Variants in IL27RA observed in about 807,000 individuals in gnomAD.
IL27RA encodes the protein interleukin-27 receptor subunit alpha.
Under a neutral mutation model 80.8 loss-of-function variants are expected in IL27RA, and 61 were observed. That is an observed-to-expected ratio of 0.76 (90% CI 0.61 to 0.93). The LOEUF (loss-of-function observed/expected upper bound fraction) is 0.93, where lower values mean the gene tolerates loss of function less well. Ranked by LOEUF, IL27RA falls within the 40% of genes least tolerant of loss-of-function variation. The pLI is 0.00. For missense variants in IL27RA, 735 were observed against 808.1 expected (o/e 0.91, Z 1.10); for synonymous variants, 316 against 332.5 (o/e 0.95, Z 0.54).
chr19:14,042,023 A>C (rs1218758656), intron 4 of IL27RA, among the ~76,000 whole-genome samples: 1 of 151,992 alleles, frequency 6.6e-6, no homozygotes, highest in Non-Finnish European at 1.5e-5. Context: ...ACATGGTGAA[A>C]CTCTGTCTCT....
chr19:14,037,571 T>C (rs61573832), intron 2 of IL27RA, among the ~76,000 whole-genome samples: 52,602 of 151,944 alleles, frequency 0.35, 12,151 homozygotes, highest in African/African-American at 0.66. Flanking sequence ...TACTATTTGT[T>C]AAACACACCA....
chr19:14,039,000 T>C lies in IL27RA; in HGVS notation c.219-508T>C, dbSNP rs564858270. On this transcript the variant is annotated intron_variant, in intron 2 of 13. Coordinates refer to ENST00000263379, the MANE Select transcript of IL27RA (RefSeq NM_004843.4). The stretch of plus-strand genomic sequence containing the variant: ...AAAAAGAGAGAGAGAAAAGAGCAGT[T>C]ATGACCAGGTATGGTGGCTCATGCC... 2.6e-5 allele frequency among the ~76,000 whole-genome samples: 4 copies of C among 151,288 alleles called. No individual in the cohort carries two copies. In the South Asian group the frequency reaches 8.4e-4, roughly 32 times the overall value.
intron 6 of IL27RA, among the ~76,000 whole-genome samples, chr19:14,044,879 A>T (rs1386634205): frequency 1.3e-5 from 2 of 151,418 alleles, no homozygotes; most frequent in Non-Finnish European, 2.9e-5. Flanking sequence ...TAATCCCAAC[A>T]CTTTGGGAGG....
In IL27RA at chr19:14,052,169, T is replaced by C; in HGVS notation, c.1790T>C (p.Met597Thr). The C allele has an allele frequency of 6.2e-7, 1 of 1,613,328 alleles. No homozygotes were observed. The highest frequency in any genetic ancestry group is 1.1e-5 in the South Asian group (1 of 90,894). The stretch of plus-strand genomic sequence containing the variant: ...GAGGAGATGGAGCCCCCGCCGGTTA[T>C]GGAGTCCTCCCAGCCCGCCCAGGCC... ...EVEEMEPPPV[M>T]ESSQPAQATA... is the part of the protein sequence containing the mutation. Residue 597 changes from methionine (M) to threonine (T), a missense_variant, in exon 14 of 14, where the codon ATG (methionine) becomes ACG (threonine). By Grantham distance (81) the Met-to-Thr change is moderately conservative. Coordinates refer to ENST00000263379, the MANE Select transcript of IL27RA (RefSeq NM_004843.4).
At chr19:14,045,424 AC>A (rs1475971016) in intron 6 of IL27RA, among the ~76,000 whole-genome samples, 1 of 149,956 alleles carries the variant, frequency 6.7e-6, no homozygotes, top group Non-Finnish European at 1.5e-5. Context: ...AACATGTGAA[AC>A]CCCGTCTCTA....
intron 12 of IL27RA, 79 bp from the exon 13 acceptor site, chr19:14,051,801 C>A: frequency 7.1e-7 from 1 of 1,418,214 alleles, no homozygotes; most frequent in South Asian, 1.2e-5. Context: ...AGGGCGCAGT[C>A]ACATTCATGA....
intron 6 of IL27RA, among the ~76,000 whole-genome samples, chr19:14,045,437 T>TA (rs1976051071): frequency 6.7e-6 from 1 of 148,632 alleles, no homozygotes; most frequent in Non-Finnish European, 1.5e-5. Context: ...CCGTCTCTAC[T>TA]AAAAATACAA....
rs1976191975 is a variant in IL27RA, at chr19:14,052,496, A to G, written c.*206A>G. On this transcript the variant is annotated 3_prime_UTR_variant, in exon 14 of 14. Coordinates refer to ENST00000263379, the MANE Select transcript of IL27RA (RefSeq NM_004843.4). ...CTTGGCCCCCATGGGGAAGACACGGATGGAAGGTGGAGCAAAGGAAAATAC... is the reference window on the plus strand; with the variant it reads ...CTTGGCCCCCATGGGGAAGACACGGGTGGAAGGTGGAGCAAAGGAAAATAC... 6.7e-6 allele frequency: 3 copies of G among 446,478 alleles called. No homozygotes were observed. Among genetic ancestry groups the G allele is most frequent in the Non-Finnish European group, 1.2e-5 (3 of 255,670 alleles). The allele number at this position is 446,478 out of a possible 1,614,324, so 27.7% of individuals were successfully genotyped here.
rs1483474504 is a variant in IL27RA, at chr19:14,052,917, AAAG to A, written c.*630_*632del. 2.6e-5 allele frequency: 4 copies of A among 151,790 alleles called. No homozygotes were observed. The highest frequency in any genetic ancestry group is 7.3e-5 in the African/African-American group (3 of 41,352). 9.4% of individuals were successfully genotyped at this position (151,790 alleles called of 1,614,324 possible). On this transcript the variant is annotated 3_prime_UTR_variant, in exon 14 of 14. Coordinates refer to ENST00000263379, the MANE Select transcript of IL27RA (RefSeq NM_004843.4). ...CTAATAAAAAGCAAAAAAAAAAAAA[AAAG>A]AAAAGAAAAAACACTGCATTTGGGC... is the stretch of plus-strand genomic sequence containing the variant.
chr19:14,033,119 G>A (rs1463391389), intron 2 of IL27RA, among the ~76,000 whole-genome samples: 2 of 131,032 alleles, frequency 1.5e-5, no homozygotes, highest in Admixed American at 7.8e-5. Flanking sequence ...TTTTTGAAAC[G>A]GAGTTTCACT....
intron 1 of IL27RA, 101 bp from the exon 2 acceptor site, chr19:14,032,285 C>CG (rs906879527): frequency 1.6e-4 from 143 of 894,350 alleles, no homozygotes; most frequent in Non-Finnish European, 2.2e-4. Context: ...TTTCCCTAAG[C>CG]CCCCCCACCT....
intron 10 of IL27RA, among the ~76,000 whole-genome samples, chr19:14,049,981 G>A (rs568661849): frequency 6.6e-6 from 1 of 151,820 alleles, no homozygotes; most frequent in Non-Finnish European, 1.5e-5. Context: ...TTGAGGTCAG[G>A]AGTTCGAGAC....
chr19:14,039,005 C>A (rs968907470), intron 2 of IL27RA, among the ~76,000 whole-genome samples: 1 of 151,812 alleles, frequency 6.6e-6, no homozygotes, highest in African/African-American at 2.4e-5. Flanking sequence ...GCAGTTATGA[C>A]CAGGTATGGT....
intron 8 of IL27RA, among the ~76,000 whole-genome samples, chr19:14,048,733 C>T (rs897268752): frequency 2.0e-5 from 3 of 152,172 alleles, no homozygotes; most frequent in African/African-American, 7.2e-5. Flanking sequence ...GCGATGCCTG[C>T]TCTCTGCTGG....
chr19:14,050,892 G>C lies in IL27RA; in HGVS notation c.1528+9G>C, dbSNP rs776077213. 1 of 1,601,944 alleles carries C rather than the reference G, an allele frequency of 6.2e-7. No individual in the cohort carries two copies. The highest frequency in any genetic ancestry group is 1.1e-5 in the South Asian group (1 of 90,394). On this transcript the variant is annotated intron_variant, in intron 11 of 13. Transcript: ENST00000263379. Reference sequence around the variant, plus strand: ...CCGGCTTCATCTACCAGGTAGGGGGGTTGGGATGGGATTGCCACAGGGAGG... The same window carrying C: ...CCGGCTTCATCTACCAGGTAGGGGGCTTGGGATGGGATTGCCACAGGGAGG...
intron 6 of IL27RA, among the ~76,000 whole-genome samples, chr19:14,044,088 C>T (rs1976029820): frequency 6.7e-6 from 1 of 150,210 alleles, no homozygotes; most frequent in Admixed American, 6.7e-5. Context: ...AAATGGCTGA[C>T]AAGGTGCAAT....
intron 6 of IL27RA, among the ~76,000 whole-genome samples, chr19:14,043,878 T>A (rs903965123): frequency 6.6e-6 from 1 of 150,460 alleles, no homozygotes; most frequent in Non-Finnish European, 1.5e-5. Flanking sequence ...TGAAACCCCA[T>A]CTCTACTAAA....
rs1366442201 is a variant in IL27RA, at chr19:14,042,577, G to A, written c.659G>A (p.Trp220Ter). 4 of 1,614,002 alleles carry A rather than the reference G, an allele frequency of 2.5e-6. No homozygotes were observed. The highest frequency in any genetic ancestry group is 2.2e-5 in the East Asian group (1 of 44,878). Residue 220 changes from tryptophan to a stop codon, truncating the protein, a stop_gained, in exon 5 of 14, where the codon TGG becomes TAG. Coordinates refer to ENST00000263379, the MANE Select transcript of IL27RA (RefSeq NM_004843.4). LOFTEE classifies it high-confidence loss of function. The part of the protein sequence containing the change: ...MEKEEDLWGE[W>*]SPILSFQTPP... ...AAAGAAGAGGATTTGTGGGGCGAGT[G>A]GAGCCCCATTTTGTCCTTCCAGACA...
chr19:14,041,614 C>T (rs901855825), intron 4 of IL27RA, among the ~76,000 whole-genome samples: 7 of 152,108 alleles, frequency 4.6e-5, no homozygotes, highest in Non-Finnish European at 1.0e-4. Context: ...GTCTGTAAAA[C>T]GAGATAATAA....
Sources: allele counts gnomAD v4.1 joint callset (sites outside exome capture counted in the v4.1 genomes callset), GRCh38; gene constraint gnomAD v4.1.1; transcripts MANE v1.5; gene names NCBI Gene and HGNC (gene_info 2026-07-23, HGNC 2026-07-21).